MTA3: variants seen among roughly 807,000 people sequenced by gnomAD.
MTA3 encodes the protein metastasis-associated protein MTA3.
MTA3 carries 34 observed loss-of-function variants against 83.5 expected under a neutral mutation model. That is an observed-to-expected ratio of 0.41 (90% CI 0.31 to 0.54). The LOEUF (loss-of-function observed/expected upper bound fraction) is 0.54, where lower values mean the gene tolerates loss of function less well. MTA3 is among the 20% of genes least tolerant of loss of function. The pLI, the probability that MTA3 is intolerant of heterozygous loss-of-function variation, is 0.33. For missense variants in MTA3, 761 were observed against 726.4 expected (o/e 1.05, Z -0.55); for synonymous variants, 303 against 252.7 (o/e 1.20, Z -1.89).
chr2:42,633,755 G>A (rs554002871), intron 4 of MTA3, among the ~76,000 whole-genome samples: 1 of 151,944 alleles, frequency 6.6e-6, no homozygotes, highest in East Asian at 1.9e-4. Context: ...TTAGCCGGCC[G>A]TGGTGGCGGG....
At chr2:42,544,694 A>T (rs7591059) in intron 2 of MTA3, among the ~76,000 whole-genome samples, 53,537 of 150,582 alleles carry the variant, frequency 0.36, 9,570 homozygotes, top group South Asian at 0.42. Context: ...GCATTTTTTT[A>T]AAAAAAACAG....
At chr2:42,560,248 C>G (rs1280513497) in intron 2 of MTA3, among the ~76,000 whole-genome samples, 1 of 150,984 alleles carries the variant, frequency 6.6e-6, no homozygotes, top group East Asian at 2.0e-4. Context: ...TCTTGAACTC[C>G]TGACCTGAGG....
chr2:42,735,850 T>A (rs940549691), intron 16 of MTA3, among the ~76,000 whole-genome samples: 2 of 152,202 alleles, frequency 1.3e-5, no homozygotes, highest in African/African-American at 4.8e-5. Flanking sequence ...ATTCTATTAT[T>A]GAATTCTGTT....
intron 4 of MTA3, among the ~76,000 whole-genome samples, chr2:42,638,371 A>G (rs57910229): frequency 6.6e-5 from 10 of 152,032 alleles, no homozygotes; most frequent in South Asian, 2.1e-4. Context: ...TTATGAGAAC[A>G]TGTCAGATAA....
At chr2:42,748,738 C>T (rs908723002) in intron 16 of MTA3, among the ~76,000 whole-genome samples, 1 of 152,108 alleles carries the variant, frequency 6.6e-6, no homozygotes, top group South Asian at 2.1e-4. Context: ...TCACTGCGCC[C>T]AGCCAGTCCA....
At chr2:42,552,881 T>C (rs1572970803) in intron 2 of MTA3, among the ~76,000 whole-genome samples, 1 of 145,058 alleles carries the variant, frequency 6.9e-6, no homozygotes, top group South Asian at 2.2e-4. Context: ...ACCCAGGAGG[T>C]GGAAGCTGCA....
chr2:42,616,264 T>C (rs1260114169), intron 4 of MTA3, among the ~76,000 whole-genome samples: 2 of 152,074 alleles, frequency 1.3e-5, no homozygotes, highest in South Asian at 2.1e-4. Flanking sequence ...GGTTTCACCA[T>C]GTTGGCCAGG....
chr2:42,656,095 C>G, intron 6 of MTA3, 105 bp from the exon 7 acceptor site: 1 of 825,372 alleles, frequency 1.2e-6, no homozygotes, highest in Non-Finnish European at 2.0e-6. Context: ...TGGGCACTTA[C>G]CTTACACATA....
intron 9 of MTA3, among the ~76,000 whole-genome samples, chr2:42,687,922 T>C (rs1057192168): frequency 7.2e-5 from 11 of 152,330 alleles, no homozygotes; most frequent in African/African-American, 2.4e-4. Context: ...TTTAGCACCA[T>C]GAAGAAAGCC....
chr2:42,719,065 G>T lies in MTA3; in HGVS notation c.1603G>T (p.Gly535Trp). The T allele has an allele frequency of 6.5e-7, 1 of 1,548,866 alleles. No individual in the cohort carries two copies. The highest frequency in any genetic ancestry group is 8.7e-7 in the Non-Finnish European group (1 of 1,145,508). ...STRKPLACII[G>W]YLEIHPAKKP... ...TAGGAAGCCTTTGGCATGTATCATT[G>T]GGTATTTAGGTGGGTATTTTCTAAT... Residue 535 changes from glycine (G) to tryptophan (W), a missense_variant, in exon 15 of 17, where the codon GGG becomes TGG. Gly to Trp is a radical substitution (Grantham distance 184, BLOSUM62 -2). Coordinates refer to ENST00000405094, the MANE Select transcript of MTA3 (RefSeq NM_001330442.2).
At chr2:42,688,793 C>G (rs1051442463) in intron 9 of MTA3, among the ~76,000 whole-genome samples, 1 of 151,968 alleles carries the variant, frequency 6.6e-6, no homozygotes, top group Non-Finnish European at 1.5e-5. Flanking sequence ...TATTTCCCAT[C>G]TGAATGCCTT....
At chr2:42,739,297 G>A (rs1288251454) in intron 16 of MTA3, among the ~76,000 whole-genome samples, 2 of 152,048 alleles carry the variant, frequency 1.3e-5, no homozygotes, top group Non-Finnish European at 2.9e-5. Context: ...TGATTATCGG[G>A]GCAGGTCCCC....
chr2:42,499,925 AT>A (rs1464021210), intron 2 of MTA3, among the ~76,000 whole-genome samples: 1 of 151,846 alleles, frequency 6.6e-6, no homozygotes, highest in East Asian at 1.9e-4. Flanking sequence ...AGTTTTTTGT[AT>A]GTTAATCATA....
chr2:42,683,825 C>G (rs1002413405), intron 9 of MTA3, among the ~76,000 whole-genome samples: 2 of 152,134 alleles, frequency 1.3e-5, no homozygotes, highest in Non-Finnish European at 2.9e-5. Flanking sequence ...TGAAGCTTCG[C>G]TCGCTTGTCC....
At chr2:42,664,494 T>G (rs796320231) in intron 8 of MTA3, among the ~76,000 whole-genome samples, 1,678 of 102,850 alleles carry the variant, frequency 0.016, 60 homozygotes, top group African/African-American at 0.065. Context: ...TTTTTTTTTT[T>G]GAGACAGTTT....
At chr2:42,545,721 C>A (rs1475004483) in intron 2 of MTA3, among the ~76,000 whole-genome samples, 2 of 152,156 alleles carry the variant, frequency 1.3e-5, no homozygotes, top group Non-Finnish European at 2.9e-5. Context: ...CAATAGATTG[C>A]ATGATGTGTA....
intron 16 of MTA3, among the ~76,000 whole-genome samples, chr2:42,727,627 T>A (rs1321829952): frequency 6.6e-6 from 1 of 151,782 alleles, no homozygotes; most frequent in Non-Finnish European, 1.5e-5. Flanking sequence ...GGTATCTGAG[T>A]GTTTGGAATC....
chr2:42,715,464 G>T (rs1666964636), intron 14 of MTA3, among the ~76,000 whole-genome samples: 1 of 143,830 alleles, frequency 7.0e-6, no homozygotes, highest in Non-Finnish European at 1.5e-5. Flanking sequence ...CCAGCCTGGA[G>T]TGCAGTAGCG....
intron 2 of MTA3, among the ~76,000 whole-genome samples, chr2:42,535,548 A>G (rs1676189485): frequency 2.0e-5 from 3 of 152,174 alleles, no homozygotes; most frequent in Admixed American, 1.3e-4. Flanking sequence ...TTTTAAGGAG[A>G]CTACCCAGAA....
Sources: allele counts gnomAD v4.1 joint callset (sites outside exome capture counted in the v4.1 genomes callset), GRCh38; gene constraint gnomAD v4.1.1; transcripts MANE v1.5; gene names NCBI Gene and HGNC (gene_info 2026-07-23, HGNC 2026-07-21).